Variants in LMF1 observed in about 807,000 individuals in gnomAD.
The protein encoded by LMF1 is lipase maturation factor 1.
Under a neutral mutation model 60.6 loss-of-function variants are expected in LMF1, and 68 were observed. The observed-to-expected ratio is 1.12, with a 90% confidence interval of 0.92 to 1.37. The LOEUF (loss-of-function observed/expected upper bound fraction) is 1.37, where lower values mean the gene tolerates loss of function less well. Among genes scored for constraint, LMF1 ranks in the 40% most tolerant of loss-of-function variants. The probability of loss-of-function intolerance (pLI) is 0.00; values close to 1 mark genes in which losing one functional copy is unlikely to be tolerated. For synonymous variants in LMF1, 418 were observed against 324.7 expected, an observed-to-expected ratio of 1.29 and a Z score of -3.09; for missense variants, 948 against 767.2, an observed-to-expected ratio of 1.24 and a Z score of -2.78.
chr16:948,454 C>CAGAGTCAGAGACAAT (rs2072314333), intron 2 of LMF1, among the ~76,000 whole-genome samples: 2 of 141,262 alleles, frequency 1.4e-5, no homozygotes, highest in Non-Finnish European at 3.1e-5. Flanking sequence ...TCAGAGACAA[C>CAGAGTCAGAGACAAT]GACAGAGTCA....
intron 3 of LMF1, among the ~76,000 whole-genome samples, chr16:919,192 G>A (rs1431636297): frequency 6.6e-6 from 1 of 152,104 alleles, no homozygotes; most frequent in Non-Finnish European, 1.5e-5. Context: ...GGCAGTCGGC[G>A]TTTCCAGGTG....
At chr16:913,124 A>G (rs1241993226) in intron 3 of LMF1, among the ~76,000 whole-genome samples, 1 of 152,206 alleles carries the variant, frequency 6.6e-6, no homozygotes, top group Non-Finnish European at 1.5e-5. Context: ...GGGCGCCAGC[A>G]TCTGCACGCC....
intron 2 of LMF1, among the ~76,000 whole-genome samples, chr16:945,525 C>A (rs1217609725): frequency 3.9e-4 from 56 of 143,488 alleles, no homozygotes; most frequent in African/African-American, 6.1e-4. Context: ...GAGGCTGTCT[C>A]AAAAAAAAAA....
chr16:868,922 A>G, intron 10 of LMF1, 22 bp downstream of exon 10: 1 of 1,462,956 alleles, frequency 6.8e-7, no homozygotes, highest in Non-Finnish European at 9.6e-7. Context: ...ACCCCTGAGC[A>G]GCGGCAGGGA....
rs985977084 is a variant in LMF1 at position 911,259 on chromosome 16, G to T, written c.515-180C>A. 4 of 780,062 alleles carry T rather than the reference G, an allele frequency of 5.1e-6. No individual in the cohort carries two copies. The East Asian group carries it at 8.1e-5, about 16-fold the overall frequency. The allele number at this position is 780,062 out of a possible 1,614,324, so 48.3% of individuals were successfully genotyped here. On this transcript the variant is annotated intron_variant, in intron 3 of 10. Transcript: ENST00000262301. ...GACACGCAAGGTCAGGTCTGCAGGA[G>T]TGGGAGCTCTGGCGTGGGACCCAGG... is the stretch of plus-strand genomic sequence containing the variant.
intron 4 of LMF1, among the ~76,000 whole-genome samples, chr16:907,187 G>C (rs1242537075): frequency 6.6e-6 from 1 of 152,058 alleles, no homozygotes; most frequent in African/African-American, 2.4e-5. Context: ...GGATCACAAG[G>C]TCAGGAGGTC....
intron 5 of LMF1, among the ~76,000 whole-genome samples, chr16:883,115 C>T (rs989469451): frequency 2.7e-5 from 4 of 150,266 alleles, no homozygotes; most frequent in South Asian, 2.1e-4. Context: ...AGCCACCCAG[C>T]GGAGCCCATT....
At position 861,561 on chromosome 16, in the gene LMF1, T is replaced by C. The variant is rs2069467968; in HGVS notation, c.1530-6855A>G. ...TTTTAGTAGAGACAGGGTTTCTCTA[T>C]GTTAGGCTGGTCTTGAACTCCCGAC... On this transcript the variant is annotated intron_variant, in intron 10 of 10. Transcript: ENST00000262301. 2.0e-5 allele frequency among the ~76,000 whole-genome samples: 3 copies of C among 151,990 alleles called. No homozygotes were observed. In the South Asian group the frequency reaches 6.2e-4, roughly 32 times the overall value.
upstream of LMF1, among the ~76,000 whole-genome samples, chr16:973,553 C>G (rs1357978201): frequency 2.0e-5 from 3 of 152,098 alleles, no homozygotes; most frequent in Admixed American, 6.5e-5. Flanking sequence ...GAGTGGGGAG[C>G]CAGTGGTCCG....
chr16:972,222 G>A (rs2073063235), upstream of LMF1, among the ~76,000 whole-genome samples: 1 of 148,986 alleles, frequency 6.7e-6, no homozygotes, highest in Admixed American at 6.8e-5. Flanking sequence ...TACATCTTAT[G>A]GTTTAATTCA....
At chr16:891,687 G>A (rs2070493846) in intron 5 of LMF1, among the ~76,000 whole-genome samples, 2 of 152,174 alleles carry the variant, frequency 1.3e-5, no homozygotes, top group South Asian at 4.1e-4. Context: ...AGGCCCCCCT[G>A]CCCACTTTTC....
intron 3 of LMF1, among the ~76,000 whole-genome samples, chr16:918,525 T>A (rs1312886220): frequency 6.6e-6 from 1 of 152,230 alleles, no homozygotes; most frequent in African/African-American, 2.4e-5. Context: ...CACCTGACCA[T>A]TTCTTTGTCT....
At chr16:875,038 G>C (rs1418271697) in intron 6 of LMF1, among the ~76,000 whole-genome samples, 1 of 152,202 alleles carries the variant, frequency 6.6e-6, no homozygotes, top group Admixed American at 6.5e-5. Flanking sequence ...GGGGACGCCA[G>C]GCCACGCCGC....
In LMF1 at chr16:870,734, G is replaced by GA; in HGVS notation, c.1226dup (p.Gly410ArgfsTer38). Reference sequence around the variant, plus strand: ...CGGGGACCCCAGGCTCATACCTTCCGAAGGCCCCGTAAGTGTTGACGATGT... The same window carrying GA: ...CGGGGACCCCAGGCTCATACCTTCCGAAAGGCCCCGTAAGTGTTGACGATGT... On this transcript the variant is annotated frameshift_variant, in exon 8 of 11. Coordinates refer to ENST00000262301, the MANE Select transcript of LMF1 (RefSeq NM_022773.4). LOFTEE classifies it high-confidence loss of function. 6.2e-7 allele frequency: 1 copy of GA among 1,612,760 alleles called. No homozygotes were observed. Among genetic ancestry groups the GA allele is most frequent in the Non-Finnish European group, 8.5e-7 (1 of 1,179,778 alleles).
upstream of LMF1, among the ~76,000 whole-genome samples, chr16:971,885 C>T (rs561613116): frequency 1.9e-4 from 29 of 152,268 alleles, no homozygotes; most frequent in Admixed American, 1.3e-3. Context: ...GCACTCTTTA[C>T]GTATGAAAAA....
chr16:978,141 A>T (rs959943315), intron 1 of LMF1, among the ~76,000 whole-genome samples: 1 of 146,480 alleles, frequency 6.8e-6, no homozygotes, highest in Admixed American at 6.7e-5. Context: ...CACCACACAC[A>T]TACATCATAC....
chr16:891,793 G>A (rs1247123768), intron 5 of LMF1, among the ~76,000 whole-genome samples: 4 of 152,240 alleles, frequency 2.6e-5, no homozygotes, highest in Non-Finnish European at 4.4e-5. Flanking sequence ...GGTGGCTGGC[G>A]TGGGCTGCGG....
In LMF1 at chr16:869,958, G is replaced by T; in HGVS notation, c.1341C>A (p.Asp447Glu). Reference protein sequence around the residue: ...EDYEFKCKPGDPSRRPCLISP... With the variant: ...EDYEFKCKPGEPSRRPCLISP... Reference sequence around the variant, plus strand: ...AGATGAGGCAGGGCCGTCTGCTGGGGTCACCTGGCTTGCACTTGAACTCGT... The same window carrying T: ...AGATGAGGCAGGGCCGTCTGCTGGGTTCACCTGGCTTGCACTTGAACTCGT... The change falls in exon 9 of 11, where the codon GAC becomes GAA. Residue 447 changes from aspartate to glutamate, a missense_variant. Asp to Glu is a conservative substitution (Grantham distance 45). Transcript: ENST00000262301. 1 of 1,613,374 alleles carries T rather than the reference G, an allele frequency of 6.2e-7. No homozygotes were observed. The highest frequency in any genetic ancestry group is 1.1e-5 in the South Asian group (1 of 91,084).
At chr16:919,765 T>A (rs961237471) in intron 3 of LMF1, among the ~76,000 whole-genome samples, 1 of 151,626 alleles carries the variant, frequency 6.6e-6, no homozygotes, top group Non-Finnish European at 1.5e-5. Context: ...TTCAGCTACA[T>A]CATGTGGCAG....
Sources: allele counts gnomAD v4.1 joint callset (sites outside exome capture counted in the v4.1 genomes callset), GRCh38; gene constraint gnomAD v4.1.1; transcripts MANE v1.5; gene names NCBI Gene and HGNC (gene_info 2026-07-23, HGNC 2026-07-21).